FAM193A: variants seen among roughly 807,000 people sequenced by gnomAD.
The protein encoded by FAM193A is protein FAM193A.
FAM193A carries 22 observed loss-of-function variants against 126.5 expected under a neutral mutation model. The observed-to-expected ratio is 0.17, with a 90% CI of 0.12 to 0.25. The LOEUF is 0.25. Among genes scored for constraint, FAM193A ranks in the 10% least tolerant of loss-of-function variants. The probability of loss-of-function intolerance (pLI) is 1.00; values close to 1 mark genes in which losing one functional copy is unlikely to be tolerated. For missense variants in FAM193A, 1,675 were observed against 1,672.8 expected (o/e 1.00, Z -0.02); for synonymous variants, 761 against 646.8 (o/e 1.18, Z -2.68).
intron 12 of FAM193A, among the ~76,000 whole-genome samples, chr4:2,664,486 T>C (rs1418815817): frequency 6.6e-6 from 1 of 151,864 alleles, no homozygotes; most frequent in Non-Finnish European, 1.5e-5. Context: ...AATTGCTTTA[T>C]GGTAAGTTTA....
rs1398663813 is a variant in FAM193A, at chr4:2,551,505, A to G, written c.255+14335A>G. The stretch of plus-strand genomic sequence containing the variant: ...TGGGAATTATTTCTTTCTCTATGTT[A>G]GTATCTGATTTTCAAGGAATTGGTT... On this transcript the variant is annotated intron_variant, in intron 1 of 20. Coordinates refer to ENST00000637812, the MANE Select transcript of FAM193A (RefSeq NM_001366318.2). Among the ~76,000 whole-genome samples, 3 of 152,224 alleles carry G rather than the reference A, an allele frequency of 2.0e-5. No homozygotes were observed. The South Asian group carries it at 6.2e-4, about 31-fold the overall frequency.
intron 1 of FAM193A, among the ~76,000 whole-genome samples, chr4:2,566,568 G>C (rs1352968945): frequency 6.6e-6 from 1 of 151,964 alleles, no homozygotes; most frequent in Non-Finnish European, 1.5e-5. Context: ...TGCGCCTGTA[G>C]TCCCCAGCTA....
At chr4:2,723,918 A>G (rs1720445501) in intron 20 of FAM193A, among the ~76,000 whole-genome samples, 1 of 152,096 alleles carries the variant, frequency 6.6e-6, no homozygotes, top group Non-Finnish European at 1.5e-5. Flanking sequence ...TTTCCACCTC[A>G]GCCTCCTGGG....
chr4:2,628,441 C>G (rs150723258), intron 4 of FAM193A, among the ~76,000 whole-genome samples: 31 of 152,196 alleles, frequency 2.0e-4, no homozygotes, highest in African/African-American at 6.7e-4. Context: ...GAGTTCAAGA[C>G]TAGCCTGGGC....
At chr4:2,626,224 G>A (rs537651527) in intron 3 of FAM193A, among the ~76,000 whole-genome samples, 186 bp from the exon 4 acceptor site, 1 of 152,242 alleles carries the variant, frequency 6.6e-6, no homozygotes, top group South Asian at 2.1e-4. Flanking sequence ...AAGATCTTAC[G>A]CAGAGTGCAC....
rs368201457 is a variant in FAM193A, at chr4:2,563,631, T to C, written c.255+26461T>C. Among the ~76,000 whole-genome samples, 29 of 152,298 alleles carry C rather than the reference T, an allele frequency of 1.9e-4. No individual in the cohort carries two copies. The East Asian group carries it at 5.6e-3, about 29-fold the overall frequency. Reference sequence around the variant, plus strand: ...AGTGTGTGTGGAACAACAAGGACATTTATGGCAGAACCAACACTTCCACTT... The same window carrying C: ...AGTGTGTGTGGAACAACAAGGACATCTATGGCAGAACCAACACTTCCACTT... On this transcript the variant is annotated intron_variant, in intron 1 of 20. Transcript: ENST00000637812.
At chr4:2,692,271 C>T (rs946905211) in intron 15 of FAM193A, among the ~76,000 whole-genome samples, 1 of 152,100 alleles carries the variant, frequency 6.6e-6, no homozygotes, top group African/African-American at 2.4e-5. Flanking sequence ...AGGGGGAAGC[C>T]CCTTATAAAA....
At chr4:2,716,230 T>G in intron 20 of FAM193A, 126 bp downstream of exon 20, 1 of 708,116 alleles carries the variant, frequency 1.4e-6, no homozygotes, top group Non-Finnish European at 2.6e-6. Flanking sequence ...CCAGACAACA[T>G]GGCTTCTGAA....
intron 7 of FAM193A, among the ~76,000 whole-genome samples, chr4:2,648,389 C>G (rs1459278601): frequency 6.6e-6 from 1 of 152,216 alleles, no homozygotes; most frequent in East Asian, 1.9e-4. Context: ...TCCTGGGAGA[C>G]TCCCTCTGTG....
intron 6 of FAM193A, among the ~76,000 whole-genome samples, chr4:2,640,545 G>T (rs1744512023): frequency 6.6e-6 from 1 of 152,196 alleles, no homozygotes; most frequent in South Asian, 2.1e-4. Flanking sequence ...ACTGAGTCAT[G>T]CATGAGCTAC....
intron 1 of FAM193A, among the ~76,000 whole-genome samples, chr4:2,588,641 C>A (rs1379485189): frequency 6.6e-6 from 1 of 152,152 alleles, no homozygotes; most frequent in African/African-American, 2.4e-5. Flanking sequence ...TTTTGAGATG[C>A]TACCTACCTA....
At chr4:2,725,718 T>C (rs1324108121) in intron 20 of FAM193A, among the ~76,000 whole-genome samples, 3 of 151,540 alleles carry the variant, frequency 2.0e-5, no homozygotes, top group East Asian at 3.9e-4. Context: ...GACAACTTTT[T>C]TTTTTTTTTT....
chr4:2,711,148 G>A (rs920478114), intron 19 of FAM193A, among the ~76,000 whole-genome samples: 4 of 151,654 alleles, frequency 2.6e-5, no homozygotes, highest in East Asian at 2.0e-4. Context: ...CACCACGCCC[G>A]GCCACTGTGC....
At chr4:2,622,173 C>T (rs1742584885) in intron 2 of FAM193A, among the ~76,000 whole-genome samples, 1 of 139,834 alleles carries the variant, frequency 7.2e-6, no homozygotes, top group South Asian at 2.4e-4. Flanking sequence ...GAGACGATTG[C>T]TTGAGCCTGG....
In FAM193A at chr4:2,591,069, A is replaced by G. The variant is rs117485679; in HGVS notation, c.256-5015A>G. Among the ~76,000 whole-genome samples, 46 of 151,866 alleles carry G rather than the reference A, an allele frequency of 3.0e-4. No homozygotes were observed. The East Asian group carries it at 8.3e-3, about 28-fold the overall frequency. ...GTAGAAGTTGTACAGGAGTTGTAGTAATTAGCTGCGTGTGACACGTATTGA... is the reference window on the plus strand; with the variant it reads ...GTAGAAGTTGTACAGGAGTTGTAGTGATTAGCTGCGTGTGACACGTATTGA... On this transcript the variant is annotated intron_variant, in intron 1 of 20. Transcript: ENST00000637812.
chr4:2,624,113 C>T (rs1337856572), intron 2 of FAM193A, among the ~76,000 whole-genome samples: 1 of 151,832 alleles, frequency 6.6e-6, no homozygotes, highest in Non-Finnish European at 1.5e-5. Context: ...GTGTTGTGTT[C>T]TCTAGTTGTT....
intron 2 of FAM193A, among the ~76,000 whole-genome samples, chr4:2,597,100 A>G (rs913292610): frequency 2.0e-5 from 3 of 151,886 alleles, no homozygotes; most frequent in African/African-American, 4.8e-5. Flanking sequence ...GTGGGTTTCC[A>G]TCTTTACTGG....
intron 5 of FAM193A, among the ~76,000 whole-genome samples, chr4:2,634,381 C>T (rs962088217): frequency 5.3e-5 from 8 of 151,972 alleles, no homozygotes; most frequent in South Asian, 4.1e-4. Flanking sequence ...TCAGAGAATT[C>T]GAATAGATAA....
chr4:2,721,798 C>T (rs1720188472), intron 20 of FAM193A, among the ~76,000 whole-genome samples: 2 of 152,328 alleles, frequency 1.3e-5, no homozygotes, highest in Admixed American at 1.3e-4. Context: ...CACTTGTGTG[C>T]ACGACTAGAG....
Sources: allele counts gnomAD v4.1 joint callset (sites outside exome capture counted in the v4.1 genomes callset), GRCh38; gene constraint gnomAD v4.1.1; transcripts MANE v1.5; gene names NCBI Gene and HGNC (gene_info 2026-07-23, HGNC 2026-07-21).